MAST2: variants seen among roughly 807,000 people sequenced by gnomAD.
MAST2 encodes microtubule-associated serine/threonine-protein kinase 2.
MAST2 carries 70 observed loss-of-function variants against 147.4 expected under a neutral mutation model. The ratio of observed to expected loss-of-function variants is 0.47; its 90% confidence interval spans 0.39 to 0.58. The LOEUF is 0.58. MAST2 is among the 20% of genes least tolerant of loss of function. The pLI is 0.00. For missense variants in MAST2, 2,080 were observed against 2,302.3 expected, an observed-to-expected ratio of 0.90 and a Z score of 1.98; for synonymous variants, 869 against 896.8, an observed-to-expected ratio of 0.97 and a Z score of 0.55.
At chr1:45,930,489 A>G (rs1035911333) in intron 4 of MAST2, among the ~76,000 whole-genome samples, 6 of 151,930 alleles carry the variant, frequency 3.9e-5, no homozygotes, top group Middle Eastern at 3.2e-3. Context: ...GCATTCATTC[A>G]TTCATTCATT....
intron 4 of MAST2, chr1:45,917,387 A>T (rs775128755): frequency 7.3e-7 from 1 of 1,366,370 alleles, no homozygotes; most frequent in Non-Finnish European, 9.8e-7. Flanking sequence ...ACATGTTTTC[A>T]CCCACATCTG....
chr1:45,819,252 CAAA>C (rs35652191), intron 1 of MAST2, among the ~76,000 whole-genome samples: 12 of 112,800 alleles, frequency 1.1e-4, no homozygotes, highest in Non-Finnish European at 1.1e-4. Flanking sequence ...AAGTCTGTCT[CAAA>C]AAAAAAAAAA....
At chr1:45,820,162 A>G (rs377377479) in intron 1 of MAST2, among the ~76,000 whole-genome samples, 3 of 152,340 alleles carry the variant, frequency 2.0e-5, no homozygotes, top group South Asian at 2.1e-4. Flanking sequence ...CATGCAGAAG[A>G]GTGAAACTAG....
intron 3 of MAST2, among the ~76,000 whole-genome samples, chr1:45,872,651 T>C (rs555267099): frequency 6.6e-6 from 1 of 152,282 alleles, no homozygotes; most frequent in South Asian, 2.1e-4. Context: ...CTGCTAATTT[T>C]CTTATTTTTA....
intron 5 of MAST2, among the ~76,000 whole-genome samples, chr1:45,994,016 C>T (rs1644951716): frequency 6.6e-6 from 1 of 152,182 alleles, no homozygotes; most frequent in African/African-American, 2.4e-5. Flanking sequence ...AGGGTCCCAA[C>T]ACAAAGCTTC....
At chr1:45,989,708 C>T (rs780954683) in intron 5 of MAST2, among the ~76,000 whole-genome samples, 2 of 151,368 alleles carry the variant, frequency 1.3e-5, no homozygotes, top group Non-Finnish European at 2.9e-5. Flanking sequence ...AGATTTATTT[C>T]CCTAAAATAG....
At chr1:45,860,705 G>A (rs1480951761) in intron 3 of MAST2, among the ~76,000 whole-genome samples, 1 of 149,694 alleles carries the variant, frequency 6.7e-6, no homozygotes, top group African/African-American at 2.5e-5. Context: ...AGTGGCGGGT[G>A]CCTGTAATCC....
At chr1:45,996,758 A>G (rs1027444515) in intron 5 of MAST2, among the ~76,000 whole-genome samples, 1 of 152,176 alleles carries the variant, frequency 6.6e-6, no homozygotes, top group Non-Finnish European at 1.5e-5. Flanking sequence ...TATAAGCCCT[A>G]TTGGATAGAG....
At position 46,028,851 on chromosome 1, in the gene MAST2, C is replaced by T. The variant is rs200494868; in HGVS notation, c.2136C>T (p.Gly712=). Residue 712 remains glycine, a synonymous_variant, in exon 18 of 29, where the codon GGC becomes GGT. Coordinates refer to ENST00000361297, the MANE Select transcript of MAST2 (RefSeq NM_015112.3). ...AGCCAGTGGACTGGTGGGCCATGGGCATTATCCTGTATGAGTTCCTGGTGG... is the reference window on the plus strand; with the variant it reads ...AGCCAGTGGACTGGTGGGCCATGGGTATTATCCTGTATGAGTTCCTGGTGG... ...YGKPVDWWAM[G]IILYEFLVGC... The T allele has an allele frequency of 1.2e-6, 2 of 1,613,956 alleles. No homozygotes were observed. Among genetic ancestry groups the T allele is most frequent in the Non-Finnish European group, 1.7e-6 (2 of 1,179,936 alleles).
Position 46,012,391 on chromosome 1 carries a change from G to A in MAST2, c.1188+1452G>A, listed in dbSNP as rs897978026. ...AGAGCACTGAATTTGGAGCCAGTTT[G>A]TTCATCTGTTCCCTAATTTGTGAAG... On this transcript the variant is annotated intron_variant, in intron 10 of 28. Transcript: ENST00000361297. 8.1e-4 allele frequency among the ~76,000 whole-genome samples: 123 copies of A among 152,314 alleles called. 2 individuals carry two copies. The highest frequency in any genetic ancestry group is 4.8e-5 in the African/African-American group (2 of 41,576).
In MAST2 at chr1:46,027,850, TC is replaced by T. The variant is rs1646480083; in HGVS notation, c.2041del (p.Leu681TrpfsTer16). 1 of 1,614,078 alleles carries T rather than the reference TC, an allele frequency of 6.2e-7. No homozygotes were observed. Among genetic ancestry groups the T allele is most frequent in the Non-Finnish European group, 8.5e-7 (1 of 1,180,006 alleles). On this transcript the variant is annotated frameshift_variant, in exon 17 of 29. Transcript: ENST00000361297. LOFTEE classifies it high-confidence loss of function. ...EGHIEKDARE[F>X]LDKQVCGTPE... is the part of the protein sequence containing the mutation. ...CATATTGAAAAGGATGCCCGGGAAT[TC>T]CTGGACAAGCAGGTAAGGAAGGGTA...
chr1:45,809,565 G>A (rs1644235470), intron 1 of MAST2, among the ~76,000 whole-genome samples: 1 of 152,192 alleles, frequency 6.6e-6, no homozygotes, highest in African/African-American at 2.4e-5. Flanking sequence ...CCTGGAAGTT[G>A]AGGCTGCAGT....
intron 15 of MAST2, chr1:46,024,379 G>C (rs1451400701): frequency 8.0e-6 from 2 of 250,282 alleles, no homozygotes; most frequent in Admixed American, 9.6e-5. Flanking sequence ...GCTTGCAAAG[G>C]GGACACCCCT....
At chr1:46,002,254 C>T (rs1299640084) in intron 6 of MAST2, among the ~76,000 whole-genome samples, 9 of 152,108 alleles carry the variant, frequency 5.9e-5, no homozygotes, top group South Asian at 2.1e-4. Flanking sequence ...TGTCACTCTT[C>T]GACAGACATT....
chr1:45,917,646 T>C, intron 4 of MAST2: 1 of 743,134 alleles, frequency 1.3e-6, no homozygotes, highest in Non-Finnish European at 2.0e-6. Flanking sequence ...CTTGGTTCTG[T>C]CACAGAGAAG....
chr1:45,838,215 C>CTTT (rs61696475), intron 3 of MAST2, among the ~76,000 whole-genome samples: 45 of 97,958 alleles, frequency 4.6e-4, no homozygotes, highest in Non-Finnish European at 6.5e-4. Flanking sequence ...TATATATATT[C>CTTT]TTTTTTTTTT....
chr1:45,967,923 C>T (rs898166483), intron 5 of MAST2, among the ~76,000 whole-genome samples: 2 of 152,146 alleles, frequency 1.3e-5, no homozygotes, highest in Non-Finnish European at 2.9e-5. Flanking sequence ...CATGTGTGTA[C>T]GTGTGTGCAT....
intron 5 of MAST2, among the ~76,000 whole-genome samples, chr1:45,985,249 G>T (rs983050231): frequency 2.7e-5 from 4 of 150,828 alleles, no homozygotes; most frequent in African/African-American, 9.8e-5. Flanking sequence ...GCTAATTTTT[G>T]TGTGTGTGTG....
chr1:46,034,329 G>T (rs1054270709), intron 28 of MAST2, 63 bp downstream of exon 28: 7 of 1,516,902 alleles, frequency 4.6e-6, no homozygotes, highest in Non-Finnish European at 6.2e-6. Context: ...CCTAGGCCCT[G>T]TGTGCTTCTG....
Sources: gnomAD v4.1 joint callset for allele counts (sites outside exome capture counted in the v4.1 genomes callset) on GRCh38, gnomAD v4.1.1 for gene constraint, MANE v1.5 for transcripts, NCBI Gene and HGNC (gene_info 2026-07-23, HGNC 2026-07-21) for gene names.